PTPN3: variants seen among roughly 807,000 people sequenced by gnomAD.
PTPN3 encodes protein tyrosine phosphatase non-receptor type 3.
In PTPN3, 96 loss-of-function variants were observed where a neutral mutation model predicts 132.7. The observed-to-expected ratio is 0.72, with a 90% CI of 0.61 to 0.86. The LOEUF is 0.86. Ranked by LOEUF, PTPN3 falls within the 40% of genes least tolerant of loss-of-function variation. The pLI, the probability that PTPN3 is intolerant of heterozygous loss-of-function variation, is 0.00. For missense variants in PTPN3, 1,125 were observed against 1,159.6 expected (o/e 0.97, Z 0.43); for synonymous variants, 398 against 429.0 (o/e 0.93, Z 0.89).
chr9:109,419,905 T>C (rs1564419882), intron 14 of PTPN3, among the ~76,000 whole-genome samples: 2 of 152,198 alleles, frequency 1.3e-5, no homozygotes, highest in African/African-American at 4.8e-5. Flanking sequence ...TAACAAAAAA[T>C]TTCTCAAAGA....
chr9:109,394,824 G>A (rs928622664), intron 19 of PTPN3, among the ~76,000 whole-genome samples: 15 of 152,146 alleles, frequency 9.9e-5, no homozygotes, highest in African/African-American at 3.4e-4. Flanking sequence ...ATAAAAAATT[G>A]TTGTTTGTAA....
chr9:109,381,580 C>T (rs1839090166), intron 25 of PTPN3, 72 bp downstream of exon 25: 2 of 1,570,302 alleles, frequency 1.3e-6, no homozygotes, highest in Admixed American at 1.7e-5. Flanking sequence ...CTCACAAAGC[C>T]CTTCTCTCAG....
the PTPN3 span, among the ~76,000 whole-genome samples, chr9:109,517,047 G>C: frequency 6.6e-6 from 1 of 152,158 alleles, no homozygotes; most frequent in Non-Finnish European, 1.5e-5. Flanking sequence ...TAGGTATTCG[G>C]GTGTCATAGT....
chr9:109,495,526 C>T (rs1229366287), intron 1 of PTPN3, among the ~76,000 whole-genome samples: 4 of 152,164 alleles, frequency 2.6e-5, no homozygotes, highest in African/African-American at 9.7e-5. Flanking sequence ...TGCTCCTGGC[C>T]CCACTCTACC....
At chr9:109,413,511 G>T (rs1164901394) in intron 14 of PTPN3, among the ~76,000 whole-genome samples, 2 of 152,216 alleles carry the variant, frequency 1.3e-5, no homozygotes, top group African/African-American at 2.4e-5. Context: ...CTCCTCTGTC[G>T]CTGGGCAGAA....
At chr9:109,510,667 A>G in the PTPN3 span, among the ~76,000 whole-genome samples, 2 of 148,286 alleles carry the variant, frequency 1.3e-5, no homozygotes, top group Middle Eastern at 3.3e-3. Flanking sequence ...ATATAACTCA[A>G]AATTATTTTA....
chr9:109,455,092 T>C (rs181530082), intron 4 of PTPN3, among the ~76,000 whole-genome samples: 2 of 152,298 alleles, frequency 1.3e-5, no homozygotes, highest in Non-Finnish European at 2.9e-5. Flanking sequence ...AAACCAGAAT[T>C]AGAGTAATGA....
At chr9:109,424,261 G>T (rs1317574466) in intron 12 of PTPN3, among the ~76,000 whole-genome samples, 1 of 152,150 alleles carries the variant, frequency 6.6e-6, no homozygotes, top group East Asian at 1.9e-4. Flanking sequence ...TATCTCTAGG[G>T]GCTGGGCAAG....
At chr9:109,517,967 A>C in the PTPN3 span, among the ~76,000 whole-genome samples, 3 of 152,176 alleles carry the variant, frequency 2.0e-5, no homozygotes, top group African/African-American at 7.2e-5. Context: ...ATGCCTGTCA[A>C]GCAGGTCCTC....
chr9:109,524,987 C>T, the PTPN3 span, among the ~76,000 whole-genome samples: 2 of 152,182 alleles, frequency 1.3e-5, no homozygotes, highest in South Asian at 4.1e-4. Flanking sequence ...CTTAAGTGAT[C>T]CGCCCACCTT....
intron 1 of PTPN3, among the ~76,000 whole-genome samples, chr9:109,470,358 C>T (rs900902005): frequency 1.3e-5 from 2 of 152,132 alleles, no homozygotes; most frequent in African/African-American, 4.8e-5. Flanking sequence ...GCATTGCTCA[C>T]GCCTTTAGGA....
At chr9:109,476,880 G>A (rs566034124) in intron 1 of PTPN3, among the ~76,000 whole-genome samples, 2 of 152,286 alleles carry the variant, frequency 1.3e-5, no homozygotes, top group East Asian at 1.9e-4. Flanking sequence ...CAGTCCCTGG[G>A]CCATTCCCTT....
At chr9:109,398,086 C>T (rs1163358830) in intron 19 of PTPN3, among the ~76,000 whole-genome samples, 1 of 152,140 alleles carries the variant, frequency 6.6e-6, no homozygotes, top group Non-Finnish European at 1.5e-5. Context: ...CTAACTTGGC[C>T]AACATGGTGA....
At chr9:109,491,068 C>T (rs1040426959) in intron 1 of PTPN3, among the ~76,000 whole-genome samples, 3 of 150,008 alleles carry the variant, frequency 2.0e-5, no homozygotes, top group Non-Finnish European at 4.5e-5. Flanking sequence ...TGGTGGCACA[C>T]GCCTGGAATC....
upstream of PTPN3, among the ~76,000 whole-genome samples, chr9:109,499,998 G>T (rs1285519631): frequency 6.6e-6 from 1 of 152,206 alleles, no homozygotes; most frequent in Non-Finnish European, 1.5e-5. Context: ...CCCTGGAGGG[G>T]CAGGCGACGC....
upstream of PTPN3, chr9:109,498,380 G>T (rs533940700): frequency 6.1e-5 from 9 of 147,230 alleles, no homozygotes; most frequent in Non-Finnish European, 1.4e-4. This position sits in a 1 kb window ranked among gnomAD's most constrained non-coding sequence, Gnocchi z 4.2. Context: ...GCGCCGGGCG[G>T]GGGGCGGGCG....
intron 5 of PTPN3, chr9:109,451,331 C>A: frequency 1.0e-6 from 1 of 978,442 alleles, no homozygotes; most frequent in East Asian, 1.1e-4. Flanking sequence ...ATCTGGTGCC[C>A]AAATCCCAGA....
chr9:109,442,971 T>G (rs1301456003), intron 7 of PTPN3, among the ~76,000 whole-genome samples: 1 of 152,164 alleles, frequency 6.6e-6, no homozygotes, highest in Non-Finnish European at 1.5e-5. Flanking sequence ...TGAACCAAGG[T>G]AGCCATATTG....
intron 7 of PTPN3, among the ~76,000 whole-genome samples, chr9:109,443,695 T>C (rs1844650778): frequency 6.6e-6 from 1 of 152,120 alleles, no homozygotes; most frequent in Non-Finnish European, 1.5e-5. Context: ...TACAAACTGG[T>C]GACCATGCCA....
Sources: gnomAD v4.1 joint callset for allele counts (sites outside exome capture counted in the v4.1 genomes callset) on GRCh38, gnomAD v4.1.1 for gene constraint, Gnocchi (gnomAD v3.1) non-coding constraint, MANE v1.5 for transcripts, NCBI Gene and HGNC (gene_info 2026-07-23, HGNC 2026-07-21) for gene names.